Variants in POLR1D observed in about 807,000 individuals in gnomAD.
POLR1D encodes RNA polymerase I and III subunit D, also known as DNA-directed RNA polymerases I and III subunit RPAC2.
POLR1D carries 8 observed loss-of-function variants against 10.8 expected under a neutral mutation model. That is an observed-to-expected ratio of 0.74 (90% confidence interval 0.43 to 1.33). The LOEUF is 1.33. POLR1D is among the 40% of genes most tolerant of loss of function. The pLI, the probability that POLR1D is intolerant of heterozygous loss-of-function variation, is 0.01. For missense variants in POLR1D, 152 were observed against 161.7 expected (o/e 0.94, Z 0.32); for synonymous variants, 54 against 57.2 (o/e 0.94, Z 0.25).
At chr13:27,643,584 C>T (rs1401852873) in intron 1 of POLR1D, among the ~76,000 whole-genome samples, 2 of 152,228 alleles carry the variant, frequency 1.3e-5, no homozygotes, top group East Asian at 1.9e-4. Context: ...TGCAGATGTT[C>T]AGAGTGATCT....
intron 1 of POLR1D, chr13:27,622,287 C>A: frequency 1.8e-6 from 1 of 562,966 alleles, no homozygotes; most frequent in Non-Finnish European, 3.2e-6. Flanking sequence ...CCCCGGGCCT[C>A]TGCTCCTGAG....
In POLR1D at chr13:27,623,424, C is replaced by G; in HGVS notation, c.*174C>G. On this transcript the variant is annotated 3_prime_UTR_variant, in exon 2 of 2. Transcript: ENST00000302979. Reference sequence around the variant, plus strand: ...TCTCTGCAAGAACCTCTGTATTCTTCTAATAAATTCCCTCTTTTATTTAAA... The same window carrying G: ...TCTCTGCAAGAACCTCTGTATTCTTGTAATAAATTCCCTCTTTTATTTAAA... The G allele has an allele frequency of 4.4e-6, 6 of 1,372,792 alleles. No individual in the cohort carries two copies. Among genetic ancestry groups the G allele is most frequent in the Admixed American group, 2.9e-5 (1 of 34,946 alleles). 85.0% of individuals were successfully genotyped at this position (1,372,792 alleles called of 1,614,324 possible). A position where few individuals can be genotyped will look rare whatever the true frequency, so the allele number is the denominator to read the frequency against.
chr13:27,648,257 T>A (rs1290128354), intron 1 of POLR1D: 20 of 647,062 alleles, frequency 3.1e-5, no homozygotes, highest in South Asian at 6.7e-5. Flanking sequence ...TAAAAAAAAA[T>A]TTGCCCCAGC....
chr13:27,622,086 C>G (rs975464233), intron 1 of POLR1D, 77 bp downstream of exon 1: 10 of 1,305,822 alleles, frequency 7.7e-6, no homozygotes, highest in Non-Finnish European at 1.1e-5. Context: ...GCTGCCTGGC[C>G]TGGCAGCCGG....
chr13:27,643,973 A>T (rs893003110), intron 1 of POLR1D, among the ~76,000 whole-genome samples: 1 of 152,198 alleles, frequency 6.6e-6, no homozygotes, highest in Admixed American at 6.5e-5. Flanking sequence ...TCTGTCCATC[A>T]TGTGACAGAT....
rs1955972560 is a variant in POLR1D, at chr13:27,623,309, A to G, written c.*59A>G. On this transcript the variant is annotated 3_prime_UTR_variant, in exon 2 of 2. Transcript: ENST00000302979. The stretch of plus-strand genomic sequence containing the variant: ...TAGGATATTCTCTTCCTGATGGTGC[A>G]GAACCCAGAATTAGAAGTTTGTGGT... 1.2e-6 allele frequency: 2 copies of G among 1,608,566 alleles called. No individual in the cohort carries two copies. Among genetic ancestry groups the G allele is most frequent in the Admixed American group, 1.7e-5 (1 of 59,682 alleles).
At position 27,665,777 on chromosome 13, in the gene POLR1D, CAA is replaced by C; in HGVS notation, c.197_198del (p.Lys66ArgfsTer4). 2 of 1,613,822 alleles carry C rather than the reference CAA, an allele frequency of 1.2e-6. No homozygotes were observed. The highest frequency in any genetic ancestry group is 1.7e-6 in the Non-Finnish European group (2 of 1,179,726). On this transcript the variant is annotated frameshift_variant, in exon 3 of 3. Coordinates refer to the POLR1D transcript ENST00000399697. LOFTEE classifies it low-confidence loss of function (END_TRUNC). ...CTCTCATAAAGAGCAAGACCATGAA[CAA>C]AAAGAGGGCGATAAGGAACCAGCGA...
At chr13:27,640,022 A>G (rs1043500024) in intron 1 of POLR1D, among the ~76,000 whole-genome samples, 4 of 152,088 alleles carry the variant, frequency 2.6e-5, no homozygotes, top group Admixed American at 1.3e-4. Flanking sequence ...GCCTTAGGTA[A>G]GTTTCTTGAC....
upstream of POLR1D, chr13:27,621,871 C>T (rs951390848): frequency 8.7e-7 from 1 of 1,149,240 alleles, no homozygotes; most frequent in East Asian, 2.6e-5. Context: ...CTTCCGTCCT[C>T]CGCGCCTTCC....
chr13:27,632,650 C>CT (rs1459105321), intron 1 of POLR1D, among the ~76,000 whole-genome samples: 1 of 151,602 alleles, frequency 6.6e-6, no homozygotes, highest in Non-Finnish European at 1.5e-5. Context: ...CACCCCCCGC[C>CT]CCCCAGCACT....
In POLR1D at chr13:27,623,013, A is replaced by G. The variant is rs755398859; in HGVS notation, c.165A>G (p.Leu55=). ...HEEDHTLGNS[L]RYMIMKNPEV... is the part of the protein sequence containing the mutation. ...AAGACCATACCCTAGGAAATTCTCT[A>G]CGTTACATGATCATGAAGAACCCGG... Residue 55 remains leucine, a synonymous_variant, in exon 2 of 2, where the codon CTA becomes CTG. Coordinates refer to ENST00000302979, the MANE Select transcript of POLR1D (RefSeq NM_015972.4). The G allele has an allele frequency of 1.2e-6, 2 of 1,614,064 alleles. No individual in the cohort carries two copies. The highest frequency in any genetic ancestry group is 4.5e-5 in the East Asian group (2 of 44,870).
chr13:27,637,171 G>C (rs12584838), intron 1 of POLR1D, among the ~76,000 whole-genome samples: 13,831 of 152,150 alleles, frequency 0.091, 855 homozygotes, highest in East Asian at 0.33. Flanking sequence ...CTGATGTGTT[G>C]TTGGTATGAT....
At chr13:27,631,337 G>A (rs1007710794) in intron 1 of POLR1D, among the ~76,000 whole-genome samples, 1 of 152,204 alleles carries the variant, frequency 6.6e-6, no homozygotes, top group Non-Finnish European at 1.5e-5. Flanking sequence ...GGAAAACAGA[G>A]TTAGAGAGAA....
chr13:27,646,346 G>A (rs1956220267), intron 1 of POLR1D: 1 of 151,998 alleles, frequency 6.6e-6, no homozygotes, highest in South Asian at 2.1e-4. Flanking sequence ...ATCTGTTTTG[G>A]ACCTTATTAG....
In POLR1D at chr13:27,659,759, G is replaced by A. The variant is rs148013661; in HGVS notation, c.102-5927G>A. ...ATAGCCTTGCAAACTGTCTCAGTGT[G>A]TTACTATTCACGTATCTGCTTCTGA... On this transcript the variant is annotated intron_variant, in intron 2 of 2. Coordinates refer to the POLR1D transcript ENST00000399697. 1.1e-4 allele frequency among the ~76,000 whole-genome samples: 17 copies of A among 152,190 alleles called. No homozygotes were observed. The East Asian group carries it at 3.1e-3, about 28-fold the overall frequency.
chr13:27,623,172 A>T lies in POLR1D; in HGVS notation c.324A>T (p.Gln108His), dbSNP rs771797869. 2 of 1,614,160 alleles carry T rather than the reference A, an allele frequency of 1.2e-6. No homozygotes were observed. Among genetic ancestry groups the T allele is most frequent in the African/African-American group, 1.3e-5 (1 of 75,042 alleles). The change falls in exon 2 of 2, where the codon CAA becomes CAT. Residue 108 changes from glutamine to histidine, a missense_variant. Coordinates refer to ENST00000302979, the MANE Select transcript of POLR1D (RefSeq NM_015972.4). ...TGAATGAGCTCATGAATGTCTGCCA[A>T]CATGTGCTTGACAAGTTTGAGGCCA... ...RGLNELMNVC[Q>H]HVLDKFEASI... is the part of the protein sequence containing the mutation.
chr13:27,647,309 G>A (rs1415118803), intron 1 of POLR1D, among the ~76,000 whole-genome samples: 1 of 152,052 alleles, frequency 6.6e-6, no homozygotes, highest in Non-Finnish European at 1.5e-5. Flanking sequence ...AATAGAAAAT[G>A]CAGCAATGCA....
downstream of POLR1D, among the ~76,000 whole-genome samples, chr13:27,628,228 C>G (rs144320338): frequency 2.0e-5 from 3 of 152,268 alleles, no homozygotes; most frequent in Admixed American, 6.5e-5. Context: ...CTGGCTCTTA[C>G]GGTCTGCACT....
chr13:27,625,203 G>A (rs970502531), downstream of POLR1D, among the ~76,000 whole-genome samples: 1 of 152,142 alleles, frequency 6.6e-6, no homozygotes, highest in Admixed American at 6.5e-5. Flanking sequence ...AGGAAGAGTT[G>A]GGGTAGTAGG....
Sources: gnomAD v4.1 joint callset for allele counts (sites outside exome capture counted in the v4.1 genomes callset) on GRCh38, gnomAD v4.1.1 for gene constraint, MANE v1.5 for transcripts, NCBI Gene and HGNC (gene_info 2026-07-23, HGNC 2026-07-21) for gene names.